PAXBP1: variants seen among roughly 807,000 people sequenced by gnomAD.
The protein encoded by PAXBP1 is PAX3 and PAX7 binding protein 1.
Under a neutral mutation model 119.9 loss-of-function variants are expected in PAXBP1, and 44 were observed. The ratio of observed to expected loss-of-function variants is 0.37; its 90% CI spans 0.29 to 0.47. PAXBP1 has a LOEUF of 0.47. Ranked by LOEUF, PAXBP1 falls within the 20% of genes least tolerant of loss-of-function variation. The probability of loss-of-function intolerance (pLI) is 0.99; values close to 1 mark genes in which losing one functional copy is unlikely to be tolerated. For missense variants in PAXBP1, 898 were observed against 1,134.1 expected (o/e 0.79, Z 2.99); for synonymous variants, 393 against 406.6 (o/e 0.97, Z 0.40).
intron 7 of PAXBP1, chr21:32,756,337 A>G (rs372827724): frequency 3.8e-6 from 2 of 531,590 alleles, no homozygotes; most frequent in Non-Finnish European, 7.7e-6. Context: ...CACTGGCACC[A>G]AGTGTTATAG....
At chr21:32,746,004 C>G (rs900573461) in intron 11 of PAXBP1, among the ~76,000 whole-genome samples, 1 of 152,184 alleles carries the variant, frequency 6.6e-6, no homozygotes, top group Non-Finnish European at 1.5e-5. Context: ...CTGACACGAA[C>G]AAGCAATGGG....
At chr21:32,745,471 T>C (rs1459881181) in intron 12 of PAXBP1, 103 bp downstream of exon 12, 3 of 1,487,880 alleles carry the variant, frequency 2.0e-6, no homozygotes, top group South Asian at 2.5e-5. Flanking sequence ...TTATTTCTCA[T>C]GTAATTTCTA....
At chr21:32,765,271 G>C (rs1263830285) in intron 2 of PAXBP1, among the ~76,000 whole-genome samples, 1 of 152,194 alleles carries the variant, frequency 6.6e-6, no homozygotes, top group East Asian at 1.9e-4. Flanking sequence ...AGAGAAGAGA[G>C]CCTCCTAATT....
chr21:32,767,406 G>A (rs1353145039), intron 2 of PAXBP1, among the ~76,000 whole-genome samples: 1 of 152,156 alleles, frequency 6.6e-6, no homozygotes, highest in East Asian at 1.9e-4. Context: ...ATTCAATGAG[G>A]ATAGAAGGAT....
chr21:32,737,614 G>A (rs2043711492), intron 16 of PAXBP1: 1 of 386,880 alleles, frequency 2.6e-6, no homozygotes, highest in Non-Finnish European at 4.6e-6. Context: ...CAACCAATGG[G>A]TTAGGCACTC....
chr21:32,744,870 A>G lies in PAXBP1; in HGVS notation c.2112T>C (p.Thr704=). Residue 704 remains threonine, a synonymous_variant, in exon 13 of 18, where the codon ACT becomes ACC. Coordinates refer to ENST00000331923, the MANE Select transcript of PAXBP1 (RefSeq NM_016631.4). ...NMWDPFSTTQ[T]SRMVGITLKL... The stretch of plus-strand genomic sequence containing the variant: ...TTAGTGTAATTCCCACCATTCTTGA[A>G]GTCTGTGTTGTAGAAAAAGGGTCCC... 1.9e-6 allele frequency: 3 copies of G among 1,606,730 alleles called. No homozygotes were observed. Among genetic ancestry groups the G allele is most frequent in the Non-Finnish European group, 2.5e-6 (3 of 1,177,064 alleles).
Position 32,755,347 on chromosome 21 carries a change from G to C in PAXBP1, c.1390C>G (p.Leu464Val). The change falls in exon 8 of 18, where the codon CTG (leucine) becomes GTG (valine). Residue 464 changes from leucine (L) to valine (V), a missense_variant. By Grantham distance (32) the Leu-to-Val change is conservative (BLOSUM62 1). Transcript: ENST00000331923. ...LLECFSEKVPLINELESAIHQ... is the reference protein window; with the variant it reads ...LLECFSEKVPVINELESAIHQ... ...ATTGCTGATTCAAGTTCATTAATCA[G>C]TGGCACCTGTAAAAATACAACACAC... is the stretch of plus-strand genomic sequence containing the variant. 1 of 1,611,972 alleles carries C rather than the reference G, an allele frequency of 6.2e-7. No individual in the cohort carries two copies. The highest frequency in any genetic ancestry group is 8.5e-7 in the Non-Finnish European group (1 of 1,179,136).
At position 32,735,827 on chromosome 21, in the gene PAXBP1, A is replaced by G. The variant is rs568511971; in HGVS notation, c.2637-760T>C. Among the ~76,000 whole-genome samples the G allele has an allele frequency of 3.3e-5, 5 of 152,364 alleles. No homozygotes were observed. The South Asian group carries it at 1.0e-3, about 32-fold the overall frequency. On this transcript the variant is annotated intron_variant, in intron 17 of 17. Coordinates refer to ENST00000331923, the MANE Select transcript of PAXBP1 (RefSeq NM_016631.4). ...CCACTCACGAGAAACAAGACATAAT[A>G]TGACATTAGTAATTGTCTCATCTCT...
In PAXBP1 at chr21:32,771,407, C is replaced by G. The variant is rs376384006; in HGVS notation, c.262G>C (p.Gly88Arg). The G allele has an allele frequency of 2.3e-5, 35 of 1,549,492 alleles. No individual in the cohort carries two copies. Among genetic ancestry groups the G allele is most frequent in the Non-Finnish European group, 2.7e-5 (31 of 1,157,560 alleles). Reference sequence around the variant, plus strand: ...CGAGGCCTCTTGCGCGGCTTCAGCCCGTTGCCGGGCTCCGCGCCGCCGGGG... The same window carrying G: ...CGAGGCCTCTTGCGCGGCTTCAGCCGGTTGCCGGGCTCCGCGCCGCCGGGG... Reference protein sequence around the residue: ...GFPGGAEPGNGLKPRKRPREN... With the variant: ...GFPGGAEPGNRLKPRKRPREN... Residue 88 changes from glycine to arginine, a missense_variant, in exon 1 of 18, where the codon GGG becomes CGG. By Grantham distance (125) the Gly-to-Arg change is moderately radical. This residue lies in a region of PAXBP1 where 299 missense variants were observed against 281.4 expected (regional missense o/e 1.06). Coordinates refer to ENST00000331923, the MANE Select transcript of PAXBP1 (RefSeq NM_016631.4).
intron 15 of PAXBP1, among the ~76,000 whole-genome samples, chr21:32,739,176 A>G (rs2043736565): frequency 6.6e-6 from 1 of 152,244 alleles, no homozygotes; most frequent in African/African-American, 2.4e-5. Flanking sequence ...AGAATGATAC[A>G]TAGCTAGTAC....
intron 10 of PAXBP1, among the ~76,000 whole-genome samples, 200 bp from the exon 11 acceptor site, chr21:32,748,898 C>CA (rs2043916177): frequency 6.6e-6 from 1 of 152,120 alleles, no homozygotes. Flanking sequence ...AAAGTGCAGC[C>CA]AGTCCTTGTT....
chr21:32,771,273 G>C, intron 1 of PAXBP1, 53 bp downstream of exon 1: 3 of 1,477,932 alleles, frequency 2.0e-6, no homozygotes, highest in Non-Finnish European at 2.7e-6. Flanking sequence ...CGGGGGACGG[G>C]GGCCTGCGTC....
chr21:32,758,687 T>C (rs1185053600), intron 7 of PAXBP1, among the ~76,000 whole-genome samples: 1 of 150,936 alleles, frequency 6.6e-6, no homozygotes, highest in Admixed American at 6.6e-5. Flanking sequence ...TTTGCAACTT[T>C]ATATGCATAT....
chr21:32,767,644 T>G (rs2044263496), intron 2 of PAXBP1, among the ~76,000 whole-genome samples: 1 of 152,226 alleles, frequency 6.6e-6, no homozygotes, highest in Non-Finnish European at 1.5e-5. Context: ...TCTCACGAGA[T>G]CTGATGGGTT....
chr21:32,771,333 C>G lies in PAXBP1; in HGVS notation c.336G>C (p.Glu112Asp). The part of the protein sequence containing the change: ...PRASLLSFQD[E>D]EEENEEVFKV... ...CCGAAGCGCGCACTTTACCTTCCTC[C>G]TCGTCCTGGAAGCTGAGCAGGCTGG... Residue 112 changes from glutamate to aspartate, a missense_variant, in exon 1 of 18, where the codon GAG (glutamate) becomes GAC (aspartate). Transcript: ENST00000331923. The G allele has an allele frequency of 6.3e-7, 1 of 1,583,114 alleles. No homozygotes were observed.
chr21:32,770,294 T>C (rs1433818724), intron 1 of PAXBP1, among the ~76,000 whole-genome samples: 1 of 151,988 alleles, frequency 6.6e-6, no homozygotes, highest in Non-Finnish European at 1.5e-5. Context: ...AAACAAAATA[T>C]CTAAAATAAA....
chr21:32,739,780 C>T (rs2043749787), intron 15 of PAXBP1, among the ~76,000 whole-genome samples: 1 of 151,184 alleles, frequency 6.6e-6, no homozygotes, highest in Non-Finnish European at 1.5e-5. Context: ...GTGGTGGGCG[C>T]CTGTAGTCCC....
At chr21:32,764,715 G>T (rs9967977) in intron 2 of PAXBP1, among the ~76,000 whole-genome samples, 191 bp from the exon 3 acceptor site, 36 of 152,120 alleles carry the variant, frequency 2.4e-4, no homozygotes, top group Non-Finnish European at 5.9e-5. Context: ...GAGTGTGTGA[G>T]TATGAAACAG....
chr21:32,764,629 G>C (rs748640680), intron 2 of PAXBP1, 105 bp from the exon 3 acceptor site: 5 of 848,928 alleles, frequency 5.9e-6, no homozygotes, highest in Non-Finnish European at 8.7e-6. Context: ...ATTAAAAAAA[G>C]GGGAACTTTT....
Sources: gnomAD v4.1 joint callset for allele counts (sites outside exome capture counted in the v4.1 genomes callset) on GRCh38, gnomAD v4.1.1 for gene constraint, gnomAD v4.1.1 regional missense constraint, MANE v1.5 for transcripts, NCBI Gene and HGNC (gene_info 2026-07-23, HGNC 2026-07-21) for gene names.